OPCML: variants seen among roughly 807,000 people sequenced by gnomAD.
OPCML encodes the protein opioid-binding protein/cell adhesion molecule.
A neutral mutation model predicts 37.8 loss-of-function variants in OPCML; 13 were observed. The ratio of observed to expected loss-of-function variants is 0.34; its 90% CI spans 0.22 to 0.55. The LOEUF (loss-of-function observed/expected upper bound fraction) is 0.55. Among genes scored for constraint, OPCML ranks in the 20% least tolerant of loss-of-function variants. The pLI is 0.91. For synonymous variants in OPCML, 176 were observed against 168.8 expected (o/e 1.04, Z -0.33); for missense variants, 341 against 435.6 (o/e 0.78, Z 1.93).
chr11:133,204,890 A>ATATATATATATATGTG (rs1938988818), intron 1 of OPCML, among the ~76,000 whole-genome samples: 1 of 131,984 alleles, frequency 7.6e-6, no homozygotes, highest in Non-Finnish European at 1.6e-5. Context: ...ATATATATAT[A>ATATATATATATATGTG]TATATATATA....
intron 4 of OPCML, among the ~76,000 whole-genome samples, chr11:132,506,696 T>C (rs1304811440): frequency 1.3e-5 from 2 of 152,098 alleles, no homozygotes; most frequent in East Asian, 3.9e-4. Flanking sequence ...CAAATGCTCC[T>C]GGAAAATATA....
At chr11:132,940,336 G>C (rs1296463139) in intron 2 of OPCML, among the ~76,000 whole-genome samples, 1 of 152,130 alleles carries the variant, frequency 6.6e-6, no homozygotes, top group East Asian at 1.9e-4. Flanking sequence ...GTTTGACCCA[G>C]GACAACCACA....
intron 3 of OPCML, among the ~76,000 whole-genome samples, chr11:132,551,337 C>T (rs950248965): frequency 6.6e-6 from 1 of 152,198 alleles, no homozygotes; most frequent in Non-Finnish European, 1.5e-5. Context: ...TCCAAGCTGT[C>T]CTTGTTCATG....
chr11:132,883,105 C>T lies in OPCML; in HGVS notation c.146+59821G>A, dbSNP rs189638646. Among the ~76,000 whole-genome samples the T allele has an allele frequency of 5.3e-5, 8 of 152,244 alleles. No homozygotes were observed. The East Asian group carries it at 1.5e-3, about 29-fold the overall frequency. On this transcript the variant is annotated intron_variant, in intron 2 of 7. Transcript: ENST00000524381. ...TCCGATCTGAGGGGCAAGGTACTCC[C>T]GGAAGGAAGAACCTGCACAAACAGA...
intron 1 of OPCML, among the ~76,000 whole-genome samples, chr11:133,104,447 T>C (rs1361416577): frequency 6.6e-6 from 1 of 152,182 alleles, no homozygotes; most frequent in African/African-American, 2.4e-5. Flanking sequence ...AAGAAGAACA[T>C]TTTTATAAAA....
At chr11:133,342,256 G>A (rs1943886761) in intron 1 of OPCML, among the ~76,000 whole-genome samples, 1 of 152,128 alleles carries the variant, frequency 6.6e-6, no homozygotes, top group Non-Finnish European at 1.5e-5. Flanking sequence ...AGAAATAGCT[G>A]TGCTTTTGAC....
intron 2 of OPCML, among the ~76,000 whole-genome samples, chr11:132,675,068 G>A (rs1232470939): frequency 6.6e-6 from 1 of 151,896 alleles, no homozygotes; most frequent in South Asian, 2.1e-4. Context: ...ATCTAGACAG[G>A]TGAGTCACAT....
At chr11:133,044,752 G>A (rs557288591) in intron 1 of OPCML, among the ~76,000 whole-genome samples, 7 of 152,260 alleles carry the variant, frequency 4.6e-5, no homozygotes, top group Middle Eastern at 3.4e-3. Context: ...TTTGAATCCC[G>A]GTAGAATGAT....
Position 132,441,361 on chromosome 11 carries a change from G to A in OPCML, c.506-4002C>T, listed in dbSNP as rs2096034376. 3.3e-5 allele frequency among the ~76,000 whole-genome samples: 5 copies of A among 151,038 alleles called. No homozygotes were observed. The South Asian group carries it at 1.0e-3, about 32-fold the overall frequency. On this transcript the variant is annotated intron_variant, in intron 4 of 7. Transcript: ENST00000524381. ...TTTTTTGTATTTTTAGTAGAGACGG[G>A]GTTTCACCGTTTTAGCCGGGATGGT...
At chr11:132,591,760 A>T (rs1163854005) in intron 3 of OPCML, among the ~76,000 whole-genome samples, 1 of 152,210 alleles carries the variant, frequency 6.6e-6, no homozygotes, top group Admixed American at 6.5e-5. Flanking sequence ...TTTGTGGTTT[A>T]TCAGAGGAAT....
intron 1 of OPCML, among the ~76,000 whole-genome samples, chr11:132,978,784 G>A (rs1946519695): frequency 6.6e-6 from 1 of 152,016 alleles, no homozygotes; most frequent in Admixed American, 6.5e-5. Context: ...TATGTATAAT[G>A]TGTAGATTAT....
At chr11:132,915,609 C>T (rs1944579480) in intron 2 of OPCML, among the ~76,000 whole-genome samples, 1 of 151,992 alleles carries the variant, frequency 6.6e-6, no homozygotes, top group Non-Finnish European at 1.5e-5. Context: ...ATAATCTCAC[C>T]AGCAGTGTGT....
At chr11:133,089,259 A>C (rs182333218) in intron 1 of OPCML, among the ~76,000 whole-genome samples, 39 of 152,334 alleles carry the variant, frequency 2.6e-4, no homozygotes, top group African/African-American at 9.4e-4. Context: ...ACAGGCATAC[A>C]TTATGCCAAA....
chr11:132,513,668 T>A (rs1201273998), intron 4 of OPCML, among the ~76,000 whole-genome samples: 1 of 152,144 alleles, frequency 6.6e-6, no homozygotes, highest in African/African-American at 2.4e-5. Flanking sequence ...ACCCATTTCA[T>A]TTTCCTTCTT....
intron 1 of OPCML, among the ~76,000 whole-genome samples, chr11:133,380,973 G>T (rs1422418325): frequency 6.6e-6 from 1 of 152,218 alleles, no homozygotes; most frequent in African/African-American, 2.4e-5. Flanking sequence ...AAAACAATTA[G>T]CCTTGTGCAT....
chr11:132,980,239 A>G (rs370607238), intron 1 of OPCML, among the ~76,000 whole-genome samples: 15 of 152,200 alleles, frequency 9.9e-5, no homozygotes, highest in Admixed American at 8.5e-4. Flanking sequence ...AGAACTATGA[A>G]AAAAGAAAGC....
intron 4 of OPCML, among the ~76,000 whole-genome samples, chr11:132,472,404 A>T (rs2096140814): frequency 6.6e-6 from 1 of 152,218 alleles, no homozygotes; most frequent in Non-Finnish European, 1.5e-5. Flanking sequence ...TGGCAGGCTT[A>T]TCCATCCCTG....
intron 2 of OPCML, among the ~76,000 whole-genome samples, chr11:132,907,640 A>G (rs561051404): frequency 6.6e-5 from 10 of 151,958 alleles, no homozygotes; most frequent in African/African-American, 2.4e-4. Flanking sequence ...AAAAAAAAAA[A>G]AAAGAAGAAG....
At chr11:133,217,639 A>G (rs1008919864) in intron 1 of OPCML, among the ~76,000 whole-genome samples, 3 of 152,136 alleles carry the variant, frequency 2.0e-5, no homozygotes, top group African/African-American at 7.2e-5. Flanking sequence ...CTTCAGCCCA[A>G]TTCAGGGGAG....
Sources: allele counts gnomAD v4.1 joint callset (sites outside exome capture counted in the v4.1 genomes callset), GRCh38; gene constraint gnomAD v4.1.1; transcripts MANE v1.5; gene names NCBI Gene and HGNC (gene_info 2026-07-23, HGNC 2026-07-21).